Variants in MOGAT2 observed in about 807,000 individuals in gnomAD.
MOGAT2 encodes the protein monoacylglycerol O-acyltransferase 2, also known as 2-acylglycerol O-acyltransferase 2.
MOGAT2 carries 27 observed loss-of-function variants against 31.5 expected under a neutral mutation model. That is an observed-to-expected ratio of 0.86 (90% CI 0.63 to 1.18). The LOEUF (loss-of-function observed/expected upper bound fraction) is 1.18, where lower values mean the gene tolerates loss of function less well. Ranked by LOEUF, MOGAT2 falls within the 50% of genes most tolerant of loss-of-function variation. The pLI, the probability that MOGAT2 is intolerant of heterozygous loss-of-function variation, is 0.00. For synonymous variants in MOGAT2, 163 were observed against 170.0 expected (o/e 0.96, Z 0.32); for missense variants, 436 against 433.2 (o/e 1.01, Z -0.06).
Position 75,731,198 on chromosome 11 carries a change from A to AG in MOGAT2, c.918dup (p.Arg307AlafsTer16). 16 of 1,614,152 alleles carry AG rather than the reference A, an allele frequency of 9.9e-6. No homozygotes were observed. The highest frequency in any genetic ancestry group is 1.4e-5 in the Non-Finnish European group (16 of 1,180,024). On this transcript the variant is annotated frameshift_variant, in exon 6 of 6. Coordinates refer to ENST00000198801, the MANE Select transcript of MOGAT2 (RefSeq NM_025098.4). LOFTEE classifies it high-confidence loss of function. ...GAGGAGGAGGTGAACCAGCTGCACC[A>AG]GCGTTATATCAAAGAGCTGTGCAAC...
intron 1 of MOGAT2, 125 bp from the exon 2 acceptor site, chr11:75,719,867 T>C (rs986218052): frequency 2.1e-6 from 2 of 940,174 alleles, no homozygotes; most frequent in East Asian, 4.9e-5. Flanking sequence ...GTCTTCCTCC[T>C]GGGCCCGAGG....
intron 1 of MOGAT2, 47 bp from the exon 2 acceptor site, chr11:75,719,945 C>A (rs779115498): frequency 6.3e-7 from 1 of 1,588,674 alleles, no homozygotes; most frequent in East Asian, 2.2e-5. Flanking sequence ...TCTCACCTGC[C>A]TTCCTCTCAG....
intron 2 of MOGAT2, among the ~76,000 whole-genome samples, chr11:75,727,050 T>C (rs1944427842): frequency 6.6e-6 from 1 of 152,190 alleles, no homozygotes; most frequent in African/African-American, 2.4e-5. Flanking sequence ...ATGTGGCCTT[T>C]TGGTGTCTTC....
Position 75,732,508 on chromosome 11 carries a change from C to A in MOGAT2, c.*1222C>A, listed in dbSNP as rs561496146. On this transcript the variant is annotated 3_prime_UTR_variant, in exon 6 of 6. Coordinates refer to ENST00000198801, the MANE Select transcript of MOGAT2 (RefSeq NM_025098.4). ...TCCAGGCCCGAGCTTCTCAGCCTGC[C>A]GTTTGCCACTCTCCAGCATCTGGCC... is the stretch of plus-strand genomic sequence containing the variant. 6.6e-6 allele frequency: 1 copy of A among 152,252 alleles called. No individual in the cohort carries two copies. Among genetic ancestry groups the A allele is most frequent in the South Asian group, 2.1e-4 (1 of 4,826 alleles). The allele number at this position is 152,252 out of a possible 1,614,324, so 9.4% of individuals were successfully genotyped here. A position where few individuals can be genotyped will look rare whatever the true frequency, so the allele number is the denominator to read the frequency against.
intron 5 of MOGAT2, among the ~76,000 whole-genome samples, chr11:75,729,901 C>A (rs188724560): frequency 6.6e-6 from 1 of 151,928 alleles, no homozygotes; most frequent in African/African-American, 2.4e-5. Flanking sequence ...CGTGCCACCA[C>A]GCCTGGGTAA....
intron 2 of MOGAT2, among the ~76,000 whole-genome samples, chr11:75,723,480 G>T (rs1032771542): frequency 8.2e-6 from 1 of 121,610 alleles, no homozygotes. Flanking sequence ...CCCAGGCCCC[G>T]CAGGGATCAT....
chr11:75,729,425 C>T lies in MOGAT2; in HGVS notation c.850+436C>T, dbSNP rs564839453. Among the ~76,000 whole-genome samples the T allele has an allele frequency of 1.3e-3, 196 of 152,228 alleles. 1 individual carries two copies. Among genetic ancestry groups the T allele is most frequent in the Non-Finnish European group, 1.8e-3 (124 of 68,000 alleles). ...GAGTAGCTGGGACTACAGTCGCTCGCCACAACACTCAGCTAATTTTTGTAT... is the reference window on the plus strand; with the variant it reads ...GAGTAGCTGGGACTACAGTCGCTCGTCACAACACTCAGCTAATTTTTGTAT... On this transcript the variant is annotated intron_variant, in intron 5 of 5. Transcript: ENST00000198801.
chr11:75,728,941 C>G lies in MOGAT2; in HGVS notation c.802C>G (p.Gln268Glu). ...ACTCTTTCATGGCCGTGGTGTCTTC[C>G]AGTACAGCTTTGGTTTAATACCCTA... ...LPLFHGRGVF[Q>E]YSFGLIPYRR... The change falls in exon 5 of 6, where the codon CAG becomes GAG. Residue 268 changes from glutamine to glutamate, a missense_variant. Physicochemically the swap from Gln to Glu is conservative, Grantham distance 29. Transcript: ENST00000198801. 2 of 1,614,178 alleles carry G rather than the reference C, an allele frequency of 1.2e-6. No individual in the cohort carries two copies. The highest frequency in any genetic ancestry group is 1.7e-6 in the Non-Finnish European group (2 of 1,180,040).
chr11:75,726,335 G>A (rs1944420852), intron 2 of MOGAT2, among the ~76,000 whole-genome samples: 1 of 152,200 alleles, frequency 6.6e-6, no homozygotes, highest in Admixed American at 6.5e-5. Flanking sequence ...TCGCTCCTCA[G>A]ATGGCCTACA....
In MOGAT2 at chr11:75,731,313, G is replaced by A. The variant is rs372670035; in HGVS notation, c.*27G>A. On this transcript the variant is annotated 3_prime_UTR_variant, in exon 6 of 6. Coordinates refer to ENST00000198801, the MANE Select transcript of MOGAT2 (RefSeq NM_025098.4). ...CCCAAAGGGCAGGGCCAACATTAGG[G>A]AGCCCAGCAGGAGGTGCTGTGCTGA... The A allele has an allele frequency of 2.7e-5, 44 of 1,610,216 alleles. No individual in the cohort carries two copies. The highest frequency in any genetic ancestry group is 3.7e-5 in the Non-Finnish European group (44 of 1,177,844).
rs375395725 is a variant in MOGAT2, at chr11:75,729,022, C to T, written c.850+33C>T. The stretch of plus-strand genomic sequence containing the variant: ...CAGGACCAGGCTGGGAGGGAGGAGG[C>T]CAAAGGGACAGGGCAGGTTGTGTGC... On this transcript the variant is annotated intron_variant, in intron 5 of 5. Coordinates refer to ENST00000198801, the MANE Select transcript of MOGAT2 (RefSeq NM_025098.4). 41 of 1,605,450 alleles carry T rather than the reference C, an allele frequency of 2.6e-5. No homozygotes were observed. In the African/African-American group the frequency reaches 4.5e-4, roughly 18 times the overall value.
chr11:75,724,721 A>G (rs1027966976), intron 2 of MOGAT2, among the ~76,000 whole-genome samples: 27 of 152,074 alleles, frequency 1.8e-4, no homozygotes, highest in Admixed American at 2.0e-4. Flanking sequence ...ATTCCACATC[A>G]TGTCCCATCT....
intron 1 of MOGAT2, among the ~76,000 whole-genome samples, chr11:75,718,420 G>A (rs1228630812): frequency 1.3e-5 from 2 of 152,148 alleles, no homozygotes; most frequent in Non-Finnish European, 2.9e-5. Context: ...AGAAAAGAAG[G>A]GTGGGGAGAA....
chr11:75,729,756 T>G (rs1425468175), intron 5 of MOGAT2, among the ~76,000 whole-genome samples: 2 of 148,436 alleles, frequency 1.3e-5, no homozygotes, highest in Non-Finnish European at 3.0e-5. Context: ...TTTTTTTGTT[T>G]TTTTTTGAGA....
intron 2 of MOGAT2, among the ~76,000 whole-genome samples, chr11:75,722,615 G>A (rs1285171768): frequency 2.6e-5 from 4 of 152,242 alleles, no homozygotes; most frequent in Non-Finnish European, 5.9e-5. Flanking sequence ...GGCCTGCAGA[G>A]GAGGCTGGGG....
At chr11:75,729,089 A>G in intron 5 of MOGAT2, 100 bp downstream of exon 5, 1 of 1,097,590 alleles carries the variant, frequency 9.1e-7, no homozygotes, top group South Asian at 1.4e-5. Context: ...TTCCTGCCCT[A>G]ATGGGGCTCA....
chr11:75,729,848 G>A (rs960341100), intron 5 of MOGAT2, among the ~76,000 whole-genome samples: 1 of 148,702 alleles, frequency 6.7e-6, no homozygotes, highest in Non-Finnish European at 1.5e-5. Context: ...AAGTTCAAGC[G>A]ATTCTCCTGC....
intron 2 of MOGAT2, 100 bp from the exon 3 acceptor site, chr11:75,727,335 A>G: frequency 9.3e-7 from 1 of 1,074,240 alleles, no homozygotes; most frequent in Non-Finnish European, 1.3e-6. Context: ...GAAGACCTGG[A>G]GGCTCAGAGG....
intron 5 of MOGAT2, 65 bp downstream of exon 5, chr11:75,729,054 G>A (rs1944450129): frequency 1.3e-6 from 2 of 1,514,334 alleles, no homozygotes; most frequent in African/African-American, 1.4e-5. Context: ...GTGCTGCAAG[G>A]GGACATGGAG....
Sources: allele counts gnomAD v4.1 joint callset (sites outside exome capture counted in the v4.1 genomes callset), GRCh38; gene constraint gnomAD v4.1.1; transcripts MANE v1.5; gene names NCBI Gene and HGNC (gene_info 2026-07-23, HGNC 2026-07-21).